The following C6orf89 variants were observed in gnomAD, a reference collection of about 807,000 sequenced individuals.
The protein encoded by C6orf89 is bombesin receptor-activated protein C6orf89.
Under a neutral mutation model 40.7 loss-of-function variants are expected in C6orf89, and 29 were observed. The observed-to-expected ratio is 0.71, with a 90% CI of 0.53 to 0.97. The LOEUF (loss-of-function observed/expected upper bound fraction) is 0.97, where lower values mean the gene tolerates loss of function less well. Ranked by LOEUF, C6orf89 falls within the 50% of genes least tolerant of loss-of-function variation. The pLI is 0.00. For missense variants in C6orf89, 392 were observed against 429.1 expected, an observed-to-expected ratio of 0.91 and a Z score of 0.76; for synonymous variants, 165 against 152.2, an observed-to-expected ratio of 1.08 and a Z score of -0.62.
chr6:36,887,056 G>C (rs920850765), intron 1 of C6orf89, among the ~76,000 whole-genome samples: 1 of 151,980 alleles, frequency 6.6e-6, no homozygotes, highest in African/African-American at 2.4e-5. Context: ...ATGTCCAAAT[G>C]CTAGATTCCT....
intron 1 of C6orf89, among the ~76,000 whole-genome samples, chr6:36,872,474 A>C (rs1384597999): frequency 1.3e-5 from 2 of 152,158 alleles, no homozygotes; most frequent in Admixed American, 1.3e-4. Flanking sequence ...GTAACTTTGA[A>C]TCTTTGCACC....
chr6:36,916,640 A>T (rs1762333989), intron 7 of C6orf89, 66 bp downstream of exon 7: 2 of 1,594,702 alleles, frequency 1.3e-6, no homozygotes, highest in Admixed American at 3.4e-5. Context: ...TGATGTCATA[A>T]CCAAGGCCTT....
rs1279010498 is a variant in C6orf89, at chr6:36,928,892, A to ATGTAATTTAAATACACC, written c.*5451_*5452insTGTAATTTAAATACACC. 13 of 152,332 alleles carry ATGTAATTTAAATACACC rather than the reference A, an allele frequency of 8.5e-5. 1 individual carries two copies. The highest frequency in any genetic ancestry group is 7.2e-4 in the Admixed American group (11 of 15,304). The allele number at this position is 152,332 out of a possible 1,614,324, so 9.4% of individuals were successfully genotyped here. A position where few individuals can be genotyped will look rare whatever the true frequency, so the allele number is the denominator to read the frequency against. The stretch of plus-strand genomic sequence containing the variant: ...TGGTAAAGACTTCCACCATGTGAAG[A>ATGTAATTTAAATACACC]ATGTATGTAAATTAAAGTTTATTGT... On this transcript the variant is annotated 3_prime_UTR_variant, in exon 9 of 9. Coordinates refer to ENST00000480824, the MANE Select transcript of C6orf89 (RefSeq NM_001286635.2).
At chr6:36,908,296 A>T (rs1761999905) in intron 4 of C6orf89, among the ~76,000 whole-genome samples, 1 of 152,088 alleles carries the variant, frequency 6.6e-6, no homozygotes, top group Non-Finnish European at 1.5e-5. Context: ...TGCTCCTGTC[A>T]GATACCTCTC....
At chr6:36,891,324 C>T (rs1219608748) in intron 1 of C6orf89, among the ~76,000 whole-genome samples, 1 of 152,188 alleles carries the variant, frequency 6.6e-6, no homozygotes, top group Non-Finnish European at 1.5e-5. Flanking sequence ...GACATGAACT[C>T]ATCCTTTTTT....
intron 4 of C6orf89, among the ~76,000 whole-genome samples, chr6:36,912,992 C>T (rs1448581877): frequency 1.3e-5 from 2 of 152,188 alleles, no homozygotes; most frequent in African/African-American, 4.8e-5. Flanking sequence ...TAGGCTCTCT[C>T]CTGATTTGGT....
intron 4 of C6orf89, among the ~76,000 whole-genome samples, 163 bp downstream of exon 4, chr6:36,902,597 G>A (rs9462239): frequency 0.26 from 39,936 of 152,026 alleles, 5,691 homozygotes; most frequent in African/African-American, 0.36. Context: ...TATTATCCCC[G>A]TTTCACAGAT....
rs371123145 is a variant in C6orf89 at position 36,911,265 on chromosome 6, G to A, written c.404-3019G>A. Among the ~76,000 whole-genome samples, 22 of 152,242 alleles carry A rather than the reference G, an allele frequency of 1.4e-4. No homozygotes were observed. The South Asian group carries it at 1.5e-3, about 10-fold the overall frequency. ...AGCACTTTGCAAGGCTGAGGTTGGCGGATCATCTGAGATCAGGAGTTTGAG... is the reference window on the plus strand; with the variant it reads ...AGCACTTTGCAAGGCTGAGGTTGGCAGATCATCTGAGATCAGGAGTTTGAG... On this transcript the variant is annotated intron_variant, in intron 4 of 8. Transcript: ENST00000480824.
At chr6:36,887,788 G>A (rs759681136) in intron 1 of C6orf89, among the ~76,000 whole-genome samples, 7 of 152,246 alleles carry the variant, frequency 4.6e-5, no homozygotes, top group South Asian at 2.1e-4. Context: ...GTGCTATTAC[G>A]GTTCACTGCA....
chr6:36,919,607 T>C lies in C6orf89; in HGVS notation c.855T>C (p.Ile285=), dbSNP rs1762443319. 6.2e-7 allele frequency: 1 copy of C among 1,614,006 alleles called. No individual in the cohort carries two copies. Among genetic ancestry groups the C allele is most frequent in the African/African-American group, 1.3e-5 (1 of 74,934 alleles). Residue 285 remains isoleucine (I), a synonymous_variant, in exon 8 of 9, where the codon ATT becomes ATC. Coordinates refer to ENST00000480824, the MANE Select transcript of C6orf89 (RefSeq NM_001286635.2). ...ATAAGATGCCTGACCTATTTATCAT[T>C]GGCAGCGGTGAGGCCATGTTGCAGC... The part of the protein sequence containing the change: ...KMHKMPDLFI[I]GSGEAMLQLI...
rs73420385 is a variant in C6orf89, at chr6:36,928,359, A to G, written c.*4918A>G. The G allele has an allele frequency of 0.014, 2,097 of 152,478 alleles. 57 individuals carry two copies. The highest frequency in any genetic ancestry group is 0.048 in the African/African-American group (1,991 of 41,522). The allele number at this position is 152,478 out of a possible 1,614,324, so 9.4% of individuals were successfully genotyped here. On this transcript the variant is annotated 3_prime_UTR_variant, in exon 9 of 9. Transcript: ENST00000480824. ...CTTCTCTGTGCCAGGCTTCATTGAC[A>G]CCATCGCTCCCCACAGCAGCTCCTT...
At chr6:36,880,543 C>A (rs917219014) in intron 2 of C6orf89, among the ~76,000 whole-genome samples, 3 of 152,094 alleles carry the variant, frequency 2.0e-5, no homozygotes, top group Non-Finnish European at 4.4e-5. Flanking sequence ...CCTCTTGGTT[C>A]ATGTAACTTT....
intron 1 of C6orf89, among the ~76,000 whole-genome samples, chr6:36,872,701 G>A (rs56302344): frequency 0.11 from 16,512 of 151,916 alleles, 968 homozygotes; most frequent in Admixed American, 0.13. Context: ...TCCACCTCCC[G>A]GGCTCAAGTG....
intron 1 of C6orf89, among the ~76,000 whole-genome samples, chr6:36,876,739 AAAGAAGAAG>A (rs1175385246): frequency 1.6e-5 from 2 of 125,534 alleles, no homozygotes; most frequent in South Asian, 2.6e-4. Flanking sequence ...AAAAAAAAAA[AAAGAAGAAG>A]AAGAAGAAGA....
At chr6:36,894,040 GAAA>G (rs1172886335) in intron 1 of C6orf89, among the ~76,000 whole-genome samples, 1 of 146,822 alleles carries the variant, frequency 6.8e-6, no homozygotes. Flanking sequence ...AAAAAAAAAG[GAAA>G]AAAAGGAAAA....
chr6:36,893,993 C>T (rs185163591), intron 1 of C6orf89, among the ~76,000 whole-genome samples: 1 of 142,570 alleles, frequency 7.0e-6, no homozygotes, highest in East Asian at 2.0e-4. Flanking sequence ...CACTGTGCTC[C>T]AGCCTGGGCA....
chr6:36,894,290 C>G (rs572195252), intron 1 of C6orf89, among the ~76,000 whole-genome samples: 1 of 152,186 alleles, frequency 6.6e-6, no homozygotes, highest in Non-Finnish European at 1.5e-5. Context: ...CTTTCTGGAT[C>G]CTTTCCATTC....
rs1355553364 is a variant in C6orf89, at chr6:36,924,583, T to G, written c.*1142T>G. The G allele has an allele frequency of 6.6e-6, 1 of 152,246 alleles. No homozygotes were observed. The highest frequency in any genetic ancestry group is 1.5e-5 in the Non-Finnish European group (1 of 68,046). The allele number at this position is 152,246 out of a possible 1,614,324, so 9.4% of individuals were successfully genotyped here. A position where few individuals can be genotyped will look rare whatever the true frequency, so the allele number is the denominator to read the frequency against. The stretch of plus-strand genomic sequence containing the variant: ...TGGATGATTCACTATGTGCATTGTT[T>G]TCTCCTAAGTGCTTTTAGTAGGTAG... On this transcript the variant is annotated 3_prime_UTR_variant, in exon 9 of 9. Coordinates refer to ENST00000480824, the MANE Select transcript of C6orf89 (RefSeq NM_001286635.2).
chr6:36,897,129 CAAAAAAAAAAAAAAA>C (rs34191608), intron 2 of C6orf89, among the ~76,000 whole-genome samples: 2 of 85,396 alleles, frequency 2.3e-5, no homozygotes, highest in African/African-American at 9.2e-5. Context: ...GACTCTGTCT[CAAAAAAAAAAAAAAA>C]AAAAAAAGAA....
Sources: gnomAD v4.1 joint callset for allele counts (sites outside exome capture counted in the v4.1 genomes callset) on GRCh38, gnomAD v4.1.1 for gene constraint, MANE v1.5 for transcripts, NCBI Gene and HGNC (gene_info 2026-07-23, HGNC 2026-07-21) for gene names.